The following SNX27 variants were observed in gnomAD, a reference collection of about 807,000 sequenced individuals.
The protein encoded by SNX27 is sorting nexin-27.
Under a neutral mutation model 71.6 loss-of-function variants are expected in SNX27, and 22 were observed. The ratio of observed to expected loss-of-function variants is 0.31; its 90% CI spans 0.22 to 0.44. The LOEUF is 0.44. SNX27 is among the 20% of genes least tolerant of loss of function. The probability of loss-of-function intolerance (pLI) is 1.00; values close to 1 mark genes in which losing one functional copy is unlikely to be tolerated. For synonymous variants in SNX27, 269 were observed against 277.2 expected (o/e 0.97, Z 0.29); for missense variants, 531 against 698.6 (o/e 0.76, Z 2.70).
At position 151,612,238 on chromosome 1, in the gene SNX27, G is replaced by A; in HGVS notation, c.37G>A (p.Ala13Thr). Residue 13 changes from alanine to threonine, a missense_variant, in exon 1 of 12, where the codon GCC becomes ACC. Transcript: ENST00000458013. The surrounding 1 kb of genome is among the most constrained non-coding windows in gnomAD (Gnocchi z 5.2). ...DEDGEGIHPSAPHRNGGGGGG... is the reference protein window; with the variant it reads ...DEDGEGIHPSTPHRNGGGGGG... Reference sequence around the variant, plus strand: ...GGACGGGGAAGGGATTCATCCCTCAGCCCCTCACAGGAACGGAGGTGGCGG... The same window carrying A: ...GGACGGGGAAGGGATTCATCCCTCAACCCCTCACAGGAACGGAGGTGGCGG... 1 of 1,425,428 alleles carries A rather than the reference G, an allele frequency of 7.0e-7. No individual in the cohort carries two copies. The highest frequency in any genetic ancestry group is 1.9e-4 in the Middle Eastern group (1 of 5,300). 88.3% of individuals were successfully genotyped at this position (1,425,428 alleles called of 1,614,324 possible). A position where few individuals can be genotyped will look rare whatever the true frequency, so the allele number is the denominator to read the frequency against.
intron 11 of SNX27, chr1:151,694,109 T>C: frequency 7.2e-6 from 9 of 1,257,918 alleles, no homozygotes; most frequent in Non-Finnish European, 9.0e-6. Context: ...TTTTTTTCCC[T>C]CTGTGTAATT....
intron 2 of SNX27, among the ~76,000 whole-genome samples, chr1:151,649,220 A>G (rs1266890458): frequency 3.3e-5 from 5 of 152,094 alleles, no homozygotes; most frequent in Non-Finnish European, 7.4e-5. Flanking sequence ...TTTGCCTCCC[A>G]AAGTGCTGAG....
At chr1:151,672,002 C>G (rs1253039551) in intron 7 of SNX27, among the ~76,000 whole-genome samples, 2 of 152,032 alleles carry the variant, frequency 1.3e-5, no homozygotes, top group Admixed American at 6.6e-5. Context: ...ATAACTTTGT[C>G]TTGTCTGATT....
intron 1 of SNX27, among the ~76,000 whole-genome samples, chr1:151,631,511 A>C (rs1668233819): frequency 2.0e-5 from 3 of 152,230 alleles, no homozygotes; most frequent in African/African-American, 7.2e-5. Flanking sequence ...ATTTAACATA[A>C]GAACTTCTCC....
intron 1 of SNX27, among the ~76,000 whole-genome samples, chr1:151,627,342 G>A (rs187196758): frequency 1.8e-4 from 28 of 152,206 alleles, no homozygotes; most frequent in Admixed American, 1.6e-3. Flanking sequence ...GAGTACCCTC[G>A]TGGAAAACAA....
intron 2 of SNX27, among the ~76,000 whole-genome samples, chr1:151,653,977 C>T (rs1378136513): frequency 2.6e-5 from 4 of 151,942 alleles, no homozygotes; most frequent in African/African-American, 9.7e-5. Flanking sequence ...GGACTACAGG[C>T]GCACACCACC....
chr1:151,643,358 G>T (rs1467673637), intron 2 of SNX27, among the ~76,000 whole-genome samples: 1 of 151,638 alleles, frequency 6.6e-6, no homozygotes, highest in African/African-American at 2.4e-5. Context: ...GCAGTGGTGC[G>T]ATCTCGGCTC....
At chr1:151,623,389 C>A (rs1667768716) in intron 1 of SNX27, among the ~76,000 whole-genome samples, 1 of 152,136 alleles carries the variant, frequency 6.6e-6, no homozygotes, top group Non-Finnish European at 1.5e-5. Flanking sequence ...ATCCGCCCAC[C>A]TTGGCCTCCC....
chr1:151,677,223 A>G (rs550214796), intron 7 of SNX27: 1 of 152,278 alleles, frequency 6.6e-6, no homozygotes, highest in East Asian at 1.9e-4. Flanking sequence ...AAGAATCACC[A>G]TTTTAATTAA....
intron 8 of SNX27, among the ~76,000 whole-genome samples, chr1:151,687,542 T>C (rs553118669): frequency 4.6e-5 from 7 of 152,306 alleles, no homozygotes; most frequent in Non-Finnish European, 1.0e-4. Context: ...TACTTCTATT[T>C]TGGACCTGGT....
At chr1:151,640,360 CTTTG>C (rs1236635955) in intron 2 of SNX27, among the ~76,000 whole-genome samples, 1 of 151,976 alleles carries the variant, frequency 6.6e-6, no homozygotes, top group Non-Finnish European at 1.5e-5. Context: ...CCAATTGTAC[CTTTG>C]TTTATTTTTA....
chr1:151,692,376 C>T, intron 8 of SNX27, 59 bp from the exon 9 acceptor site: 1 of 1,463,044 alleles, frequency 6.8e-7, no homozygotes, highest in Non-Finnish European at 9.0e-7. Context: ...TGTTTAATAC[C>T]ATAGTAACCC....
At chr1:151,686,530 T>G (rs1423048455) in intron 8 of SNX27, among the ~76,000 whole-genome samples, 1 of 152,260 alleles carries the variant, frequency 6.6e-6, no homozygotes, top group Non-Finnish European at 1.5e-5. Context: ...GAAAACCTAG[T>G]GCCAACATAT....
chr1:151,632,445 C>T (rs528756480), intron 1 of SNX27, among the ~76,000 whole-genome samples: 3 of 152,202 alleles, frequency 2.0e-5, no homozygotes, highest in South Asian at 2.1e-4. Flanking sequence ...CATGAGCCAC[C>T]GCACCTGGAC....
chr1:151,618,903 C>T (rs1667550371), intron 1 of SNX27, among the ~76,000 whole-genome samples: 1 of 151,802 alleles, frequency 6.6e-6, no homozygotes, highest in Non-Finnish European at 1.5e-5. Context: ...TGGGTTGGTA[C>T]AGTTCAGCCC....
intron 3 of SNX27, 38 bp downstream of exon 3, chr1:151,658,465 CG>C: frequency 6.4e-7 from 1 of 1,562,356 alleles, no homozygotes; most frequent in South Asian, 1.2e-5. Context: ...ATTGAGTAGA[CG>C]TAGGTTCTAG....
chr1:151,639,577 C>T (rs1668625660), intron 2 of SNX27, among the ~76,000 whole-genome samples: 1 of 152,194 alleles, frequency 6.6e-6, no homozygotes, highest in Non-Finnish European at 1.5e-5. Flanking sequence ...TGTCTCTACT[C>T]TTCTTTCCAC....
intron 7 of SNX27, chr1:151,676,270 A>ATTTTTTTTTTTTTTTTTTTTTTTTTTT (rs752951557): frequency 1.8e-5 from 1 of 56,484 alleles, no homozygotes; most frequent in Admixed American, 1.9e-4. Flanking sequence ...AGTGCTATTA[A>ATTTTTTTTTTTTTTTTTTTTTTTTTTT]TTTTTTTTTT....
At position 151,612,723 on chromosome 1, in the gene SNX27, C is replaced by G. The variant is rs1667238985; in HGVS notation, c.311+211C>G. On this transcript the variant is annotated intron_variant, in intron 1 of 11. Transcript: ENST00000458013. This position sits in a 1 kb window ranked among gnomAD's most constrained non-coding sequence, Gnocchi z 5.2. The stretch of plus-strand genomic sequence containing the variant: ...GGCTTCTGCGACGCCGGTCTCCCAC[C>G]CCGTCGTCTCCAGCTGATGCCCTTG... Among the ~76,000 whole-genome samples, 1 of 152,150 alleles carries G rather than the reference C, an allele frequency of 6.6e-6. No homozygotes were observed. Among genetic ancestry groups the G allele is most frequent in the Admixed American group, 6.5e-5 (1 of 15,280 alleles).
Sources: allele counts gnomAD v4.1 joint callset (sites outside exome capture counted in the v4.1 genomes callset), GRCh38; gene constraint gnomAD v4.1.1; non-coding constraint Gnocchi (gnomAD v3.1); transcripts MANE v1.5; gene names NCBI Gene and HGNC (gene_info 2026-07-23, HGNC 2026-07-21).